The following ZFYVE26 variants were observed in gnomAD, a reference collection of about 807,000 sequenced individuals.
ZFYVE26 encodes zinc finger FYVE-type containing 26.
Under a neutral mutation model 276.5 loss-of-function variants are expected in ZFYVE26, and 181 were observed. The ratio of observed to expected loss-of-function variants is 0.65; its 90% CI spans 0.58 to 0.74. The LOEUF (loss-of-function observed/expected upper bound fraction) is 0.74. Among genes scored for constraint, ZFYVE26 ranks in the 30% least tolerant of loss-of-function variants. ZFYVE26 has a pLI of 0.00. For synonymous variants in ZFYVE26, 1,129 were observed against 1,203.1 expected (o/e 0.94, Z 1.27); for missense variants, 2,821 against 3,097.9 (o/e 0.91, Z 2.12).
intron 13 of ZFYVE26, among the ~76,000 whole-genome samples, chr14:67,732,199 G>T (rs2140158405): frequency 6.6e-6 from 1 of 151,796 alleles, no homozygotes; most frequent in East Asian, 1.9e-4. Flanking sequence ...TACTTTGGGA[G>T]GCCAAGGCAG....
chr14:67,802,701 T>C (rs993748829), intron 9 of ZFYVE26, among the ~76,000 whole-genome samples: 1 of 152,202 alleles, frequency 6.6e-6, no homozygotes, highest in South Asian at 2.1e-4. Flanking sequence ...CTGTATTTCT[T>C]TGGAAGGCCT....
At position 67,754,229 on chromosome 14, in the gene ZFYVE26, T is replaced by C; in HGVS notation, c.6987-17A>G. On this transcript the variant is annotated splice_polypyrimidine_tract_variant and intron_variant, in intron 37 of 41. Coordinates refer to ENST00000347230, the MANE Select transcript of ZFYVE26 (RefSeq NM_015346.4). ...TTCATGTGCCTGTGGTGACAGAATA[T>C]GCACAGTCCAGCCTCATGAGGGGCC... 1 of 1,614,164 alleles carries C rather than the reference T, an allele frequency of 6.2e-7. No individual in the cohort carries two copies. The highest frequency in any genetic ancestry group is 1.7e-5 in the Admixed American group (1 of 60,028).
At chr14:67,805,757 AGTGGCTCAT>A in intron 6 of ZFYVE26, 139 bp from the exon 7 acceptor site, 1 of 1,022,826 alleles carries the variant, frequency 9.8e-7, no homozygotes, top group African/African-American at 1.6e-5. Flanking sequence ...GGCTGGGCGT[AGTGGCTCAT>A]GCCTGTAATC....
Position 67,766,358 on chromosome 14 carries a change from C to G in ZFYVE26, c.5880G>C (p.Arg1960Ser), listed in dbSNP as rs751183425. ...CTGGGTTGGTGAGGCCCTTGGAGAG[C>G]CTGCAGCAGTGCTCAATCAGCTGGT... ...CGHQLIEHCC[R>S]LSKGLTNPEV... The change falls in exon 32 of 42, where the codon AGG becomes AGC. Residue 1960 changes from arginine to serine, a missense_variant. Physicochemically the swap from Arg to Ser is moderately radical, Grantham distance 110. Transcript: ENST00000347230. 3.1e-6 allele frequency: 5 copies of G among 1,613,158 alleles called. No homozygotes were observed. The highest frequency in any genetic ancestry group is 3.4e-6 in the Non-Finnish European group (4 of 1,180,026).
intron 11 of ZFYVE26, 90 bp downstream of exon 11, chr14:67,797,924 G>C: frequency 6.2e-7 from 1 of 1,602,802 alleles, no homozygotes; most frequent in Non-Finnish European, 8.5e-7. Context: ...GTTATGGGGT[G>C]ACTCCTATGT....
chr14:67,791,161 C>CT (rs1185461237), intron 14 of ZFYVE26, among the ~76,000 whole-genome samples: 1 of 152,102 alleles, frequency 6.6e-6, no homozygotes, highest in Non-Finnish European at 1.5e-5. Context: ...AGTGTCACAA[C>CT]TTTTTTGAAA....
rs532999230 is a variant in ZFYVE26, at chr14:67,802,265, C to T, written c.1453G>A (p.Val485Ile). The T allele has an allele frequency of 1.9e-6, 3 of 1,614,080 alleles. No homozygotes were observed. The highest frequency in any genetic ancestry group is 1.7e-5 in the Admixed American group (1 of 60,010). ...TGACACTGGCTCAGGTGCTCAGGGA[C>T]TGGAGCATCAACTGCATCTGAATTA... ...QQEPDAVDAP[V>I]PEHLSQCQNL... The change falls in exon 10 of 42, where the codon GTC (valine) becomes ATC (isoleucine). Residue 485 changes from valine (V) to isoleucine (I), a missense_variant. Val to Ile is a conservative substitution (Grantham distance 29). Transcript: ENST00000347230.
Position 67,805,285 on chromosome 14 carries a change from G to A in ZFYVE26, c.1203C>T (p.Leu401=). The change falls in exon 8 of 42, where the codon CTC becomes CTT. Residue 401 remains leucine, a synonymous_variant. Coordinates refer to ENST00000347230, the MANE Select transcript of ZFYVE26 (RefSeq NM_015346.4). ...HRTQGPGCDE[L]LRDACDGLWA... ...ACAACCCATCACAGGCATCCCTGAG[G>A]AGCTCATCACAGCCTGGGCCCTATG... 2 of 1,614,130 alleles carry A rather than the reference G, an allele frequency of 1.2e-6. No homozygotes were observed. Among genetic ancestry groups the A allele is most frequent in the Admixed American group, 1.7e-5 (1 of 60,002 alleles).
At chr14:67,760,889 T>A (rs1351607355) in intron 35 of ZFYVE26, 1 of 252,150 alleles carries the variant, frequency 4.0e-6, no homozygotes, top group African/African-American at 2.2e-5. Context: ...TCTTTCATCA[T>A]CTATTTGGGG....
chr14:67,807,537 G>T lies in ZFYVE26; in HGVS notation c.747C>A (p.Thr249=). The T allele has an allele frequency of 6.2e-7, 1 of 1,614,132 alleles. No individual in the cohort carries two copies. The change falls in exon 5 of 42, where the codon ACC becomes ACA. Residue 249 remains threonine (T), a synonymous_variant. Transcript: ENST00000347230. ...LCEELLEACR[T]EGSPLREERL... ...GCTCCTCCCGCAGGGGACTCCCCTCGGTCCTGCAGGCCTCTAGTAGTTCCT... is the reference window on the plus strand; with the variant it reads ...GCTCCTCCCGCAGGGGACTCCCCTCTGTCCTGCAGGCCTCTAGTAGTTCCT...
chr14:67,798,572 A>G lies in ZFYVE26; in HGVS notation c.1690T>C (p.Cys564Arg). The G allele has an allele frequency of 6.2e-7, 1 of 1,614,174 alleles. No homozygotes were observed. The change falls in exon 11 of 42, where the codon TGC becomes CGC. Residue 564 changes from cysteine to arginine, a missense_variant. Cys to Arg is a radical substitution (Grantham distance 180, BLOSUM62 -3). Coordinates refer to ENST00000347230, the MANE Select transcript of ZFYVE26 (RefSeq NM_015346.4). ...TYLARCQQYL[C>R]SIPDSLCLEL... ...AGGCACAGAGAGTCAGGAATACTGCACAGATACTGTTGACACCTGGCCAGG... is the reference window on the plus strand; with the variant it reads ...AGGCACAGAGAGTCAGGAATACTGCGCAGATACTGTTGACACCTGGCCAGG...
chr14:67,768,943 C>G (rs1195147348), intron 29 of ZFYVE26, among the ~76,000 whole-genome samples: 1 of 152,124 alleles, frequency 6.6e-6, no homozygotes, highest in Non-Finnish European at 1.5e-5. Flanking sequence ...ATGCAGAATT[C>G]AAAGTAACTG....
Position 67,751,447 on chromosome 14 carries a change from C to T in ZFYVE26, c.7372-351G>A, listed in dbSNP as rs118001307. ...AGTTCTCACACTAAGTATGTATCAG[C>T]GTAATACACTATAGTCCAAAACTCC... On this transcript the variant is annotated intron_variant, in intron 40 of 41. Transcript: ENST00000347230. 6.3e-4 allele frequency: 247 copies of T among 392,792 alleles called. 3 individuals carry two copies. The East Asian group carries it at 6.3e-3, about 10-fold the overall frequency. The allele number at this position is 392,792 out of a possible 1,614,324, so 24.3% of individuals were successfully genotyped here.
At chr14:67,762,933 C>T (rs761798631) in intron 32 of ZFYVE26, 114 bp from the exon 33 acceptor site, 43 of 1,436,634 alleles carry the variant, frequency 3.0e-5, no homozygotes, top group Admixed American at 1.2e-4. Flanking sequence ...AACAGAGTCT[C>T]GTTCTGTCAC....
chr14:67,729,776 TC>T (rs1426230167), exon 14 of ZFYVE26: 1 of 502,658 alleles, frequency 2.0e-6, no homozygotes, highest in East Asian at 5.5e-5. Context: ...TCCTCTCTCT[TC>T]GGTGTGAACT....
chr14:67,752,725 A>G (rs2038682071), intron 39 of ZFYVE26, among the ~76,000 whole-genome samples, 199 bp from the exon 40 acceptor site: 1 of 152,226 alleles, frequency 6.6e-6, no homozygotes, highest in South Asian at 2.1e-4. Flanking sequence ...GGAAGCATCC[A>G]CAAAAACTGC....
At chr14:67,729,917 C>A (rs2038247085) in intron 13 of ZFYVE26, 1 of 427,220 alleles carries the variant, frequency 2.3e-6, no homozygotes, top group Non-Finnish European at 4.6e-6. Context: ...AGGGTGAAAT[C>A]TCTTTCCCAT....
At chr14:67,791,308 C>G (rs2039808452) in intron 14 of ZFYVE26, among the ~76,000 whole-genome samples, 1 of 152,134 alleles carries the variant, frequency 6.6e-6, no homozygotes, top group Admixed American at 6.5e-5. Context: ...TATATTACAA[C>G]TATTACAAGG....
At chr14:67,793,072 C>A (rs942603908) in intron 14 of ZFYVE26, among the ~76,000 whole-genome samples, 4 of 151,974 alleles carry the variant, frequency 2.6e-5, no homozygotes, top group Non-Finnish European at 5.9e-5. Flanking sequence ...CCAGCCTGGC[C>A]AACATGGCAA....
Sources: gnomAD v4.1 joint callset for allele counts (sites outside exome capture counted in the v4.1 genomes callset) on GRCh38, gnomAD v4.1.1 for gene constraint, MANE v1.5 for transcripts, NCBI Gene and HGNC (gene_info 2026-07-23, HGNC 2026-07-21) for gene names.